The following SORCS1 variants were observed in gnomAD, a reference collection of about 807,000 sequenced individuals.
The protein encoded by SORCS1 is sortilin related VPS10 domain containing receptor 1, also known as VPS10 domain-containing receptor SorCS1.
In SORCS1, 60 loss-of-function variants were observed where a neutral mutation model predicts 146.1. The ratio of observed to expected loss-of-function variants is 0.41; its 90% CI spans 0.33 to 0.51. The LOEUF (loss-of-function observed/expected upper bound fraction) is 0.51, where lower values mean the gene tolerates loss of function less well. Among genes scored for constraint, SORCS1 ranks in the 20% least tolerant of loss-of-function variants. SORCS1 has a pLI of 0.21. For synonymous variants in SORCS1, 637 were observed against 584.0 expected (o/e 1.09, Z -1.31); for missense variants, 1,352 against 1,487.6 (o/e 0.91, Z 1.50).
intron 2 of SORCS1, among the ~76,000 whole-genome samples, chr10:106,930,016 G>A (rs1235912673): frequency 1.3e-5 from 2 of 152,244 alleles, no homozygotes; most frequent in African/African-American, 2.4e-5. Context: ...GGAGGCCGAG[G>A]AGGGTGGATC....
chr10:106,590,131 A>T (rs547522564), intron 24 of SORCS1, among the ~76,000 whole-genome samples: 8 of 152,310 alleles, frequency 5.3e-5, no homozygotes, highest in Non-Finnish European at 1.2e-4. Context: ...ATAATTTTAT[A>T]CATAAACCAT....
chr10:106,740,518 T>G (rs1433297401), intron 5 of SORCS1, among the ~76,000 whole-genome samples: 2 of 152,162 alleles, frequency 1.3e-5, no homozygotes, highest in Non-Finnish European at 2.9e-5. Flanking sequence ...CAATTCAATA[T>G]GGAACACAGA....
At chr10:106,633,739 A>G (rs1848569596) in intron 18 of SORCS1, among the ~76,000 whole-genome samples, 1 of 152,198 alleles carries the variant, frequency 6.6e-6, no homozygotes, top group Non-Finnish European at 1.5e-5. Context: ...ATTAACTCTC[A>G]TAGTTTATTG....
chr10:106,614,166 C>A (rs1847196551), intron 21 of SORCS1, among the ~76,000 whole-genome samples: 1 of 152,170 alleles, frequency 6.6e-6, no homozygotes, highest in Non-Finnish European at 1.5e-5. Flanking sequence ...ATCTATGAGT[C>A]ATTTATAATT....
At chr10:107,138,771 AATGT>A (rs1967554844) in intron 1 of SORCS1, among the ~76,000 whole-genome samples, 1 of 152,178 alleles carries the variant, frequency 6.6e-6, no homozygotes, top group Non-Finnish European at 1.5e-5. Context: ...TGAGGAAAAA[AATGT>A]ATGTGCCAGG....
At chr10:107,171,898 A>G in the SORCS1 span, among the ~76,000 whole-genome samples, 1 of 152,096 alleles carries the variant, frequency 6.6e-6, no homozygotes, top group African/African-American at 2.4e-5. Context: ...AGCTGCCTAG[A>G]TGTAGATCCA....
intron 19 of SORCS1, among the ~76,000 whole-genome samples, chr10:106,622,858 T>C (rs547835542): frequency 2.1e-4 from 32 of 152,310 alleles, no homozygotes; most frequent in African/African-American, 7.2e-4. Flanking sequence ...TCTGAGCAGA[T>C]GGAAGTGTTT....
Position 106,898,919 on chromosome 10 carries a change from TG to T in SORCS1, c.626+57593del, listed in dbSNP as rs1482986348. ...AGTAAAGGAACTCACTGCCTGGTCT[TG>T]ACTTCTTTGGTCAGAATAGTGCTGG... On this transcript the variant is annotated intron_variant, in intron 2 of 25. Transcript: ENST00000263054. 6.6e-5 allele frequency among the ~76,000 whole-genome samples: 10 copies of T among 152,362 alleles called. 1 individual carries two copies. The South Asian group carries it at 2.1e-3, about 32-fold the overall frequency.
intron 1 of SORCS1, among the ~76,000 whole-genome samples, chr10:107,106,566 G>C (rs1965320097): frequency 6.6e-6 from 1 of 151,998 alleles, no homozygotes; most frequent in South Asian, 2.1e-4. Flanking sequence ...AAATATCTTT[G>C]GGGATGGCTT....
At chr10:106,919,094 C>T (rs1287535332) in intron 2 of SORCS1, among the ~76,000 whole-genome samples, 3 of 152,150 alleles carry the variant, frequency 2.0e-5, no homozygotes, top group Non-Finnish European at 2.9e-5. Context: ...ACCTTGGCCT[C>T]CCATAGTGAT....
At chr10:107,126,481 G>C (rs1166900135) in intron 1 of SORCS1, among the ~76,000 whole-genome samples, 1 of 152,124 alleles carries the variant, frequency 6.6e-6, no homozygotes, top group Non-Finnish European at 1.5e-5. Flanking sequence ...ATTTTAATGA[G>C]AAATAAAAAT....
chr10:106,794,559 G>A (rs1264837853), intron 3 of SORCS1, among the ~76,000 whole-genome samples: 3 of 144,346 alleles, frequency 2.1e-5, no homozygotes, highest in Admixed American at 7.2e-5. Flanking sequence ...CTGGAGTGCA[G>A]TGGCACGATC....
At chr10:106,610,363 T>C (rs766726667) in intron 22 of SORCS1, among the ~76,000 whole-genome samples, 5 of 152,098 alleles carry the variant, frequency 3.3e-5, no homozygotes, top group Non-Finnish European at 1.5e-5. Flanking sequence ...CTGAGTTTCA[T>C]TTCTTCACCT....
chr10:107,084,939 T>G (rs1963649989), intron 1 of SORCS1, among the ~76,000 whole-genome samples: 1 of 152,336 alleles, frequency 6.6e-6, no homozygotes, highest in East Asian at 1.9e-4. Context: ...ATTGATGATC[T>G]ACCAGATATA....
intron 1 of SORCS1, among the ~76,000 whole-genome samples, chr10:106,962,322 G>C (rs2139074716): frequency 6.9e-6 from 1 of 144,986 alleles, no homozygotes; most frequent in East Asian, 2.1e-4. Context: ...TTGAACCTGG[G>C]AGGTAGAGGT....
chr10:106,675,476 C>A (rs73378357), intron 13 of SORCS1, among the ~76,000 whole-genome samples: 5,711 of 152,156 alleles, frequency 0.038, 343 homozygotes, highest in African/African-American at 0.13. Flanking sequence ...TTGACCCTGT[C>A]CAAAACCTCT....
Position 106,757,627 on chromosome 10 carries a change from A to C in SORCS1, c.959+3961T>G, listed in dbSNP as rs76809646. ...ACGAGTTCCCATGCCTTCTCTAGAA[A>C]AATCATCCAAGCTTAAGGAACCCTT... is the stretch of plus-strand genomic sequence containing the variant. On this transcript the variant is annotated intron_variant, in intron 5 of 25. Coordinates refer to ENST00000263054, the MANE Select transcript of SORCS1 (RefSeq NM_052918.5). 9.2e-3 allele frequency among the ~76,000 whole-genome samples: 1,395 copies of C among 152,316 alleles called. 22 individuals carry two copies. Among genetic ancestry groups the C allele is most frequent in the African/African-American group, 0.032 (1,327 of 41,566 alleles).
At position 106,751,292 on chromosome 10, in the gene SORCS1, C is replaced by G. The variant is rs563098076; in HGVS notation, c.959+10296G>C. On this transcript the variant is annotated intron_variant, in intron 5 of 25. Transcript: ENST00000263054. ...GATTCTCTGCCACTTCTCCCTGCTCCTTATCCAAACCATACAGGATTCTAC... is the reference window on the plus strand; with the variant it reads ...GATTCTCTGCCACTTCTCCCTGCTCGTTATCCAAACCATACAGGATTCTAC... 3.5e-4 allele frequency among the ~76,000 whole-genome samples: 54 copies of G among 152,186 alleles called. 2 individuals are homozygous for G. In the South Asian group the frequency reaches 0.011, roughly 30 times the overall value.
chr10:106,990,740 G>A (rs112710105), intron 1 of SORCS1, among the ~76,000 whole-genome samples: 24 of 152,224 alleles, frequency 1.6e-4, no homozygotes, highest in African/African-American at 5.1e-4. Flanking sequence ...TACCTGCATC[G>A]CATTTACTTA....
Sources: allele counts gnomAD v4.1 joint callset (sites outside exome capture counted in the v4.1 genomes callset), GRCh38; gene constraint gnomAD v4.1.1; transcripts MANE v1.5; gene names NCBI Gene and HGNC (gene_info 2026-07-23, HGNC 2026-07-21).